FRRS1: variants seen among roughly 807,000 people sequenced by gnomAD.
FRRS1 encodes the protein ferric chelate reductase 1, also known as ferric reductase 1.
Under a neutral mutation model 70.7 loss-of-function variants are expected in FRRS1, and 51 were observed. The observed-to-expected ratio is 0.72, with a 90% confidence interval of 0.58 to 0.91. The LOEUF is 0.91. Among genes scored for constraint, FRRS1 ranks in the 40% least tolerant of loss-of-function variants. FRRS1 has a pLI of 0.00. For synonymous variants in FRRS1, 225 were observed against 238.7 expected (o/e 0.94, Z 0.53); for missense variants, 672 against 726.0 (o/e 0.93, Z 0.86).
At chr1:99,729,888 T>C (rs1557692745) in intron 7 of FRRS1, 140 bp from the exon 8 acceptor site, 2 of 614,222 alleles carry the variant, frequency 3.3e-6, no homozygotes, top group Admixed American at 2.8e-5. Flanking sequence ...AATGATGCTA[T>C]GAATTCTAGA....
chr1:99,756,540 T>C (rs1461040724), intron 1 of FRRS1, among the ~76,000 whole-genome samples: 1 of 152,186 alleles, frequency 6.6e-6, no homozygotes, highest in African/African-American at 2.4e-5. Flanking sequence ...AAGCAAGTGA[T>C]GTTAATAAAG....
In FRRS1 at chr1:99,704,723, A is replaced by G. The variant is rs1261703212; in HGVS notation, c.*4305T>C. ...AAGACACAAGCAGCTGGACAGCGAG[A>G]GGATGTGGATGGGAGCACGCCAGAG... On this transcript the variant is annotated 3_prime_UTR_variant, in exon 17 of 17. Coordinates refer to ENST00000646001, the MANE Select transcript of FRRS1 (RefSeq NM_001361041.2). Among the ~76,000 whole-genome samples the G allele has an allele frequency of 1.3e-5, 2 of 152,002 alleles. No homozygotes were observed. Among genetic ancestry groups the G allele is most frequent in the African/African-American group, 4.8e-5 (2 of 41,398 alleles).
At chr1:99,761,576 C>G (rs533901957) in intron 1 of FRRS1, among the ~76,000 whole-genome samples, 60 of 152,164 alleles carry the variant, frequency 3.9e-4, no homozygotes, top group African/African-American at 1.4e-3. Flanking sequence ...GTGGAATGGC[C>G]CCTTCTCTAA....
intron 1 of FRRS1, among the ~76,000 whole-genome samples, chr1:99,753,151 G>T (rs1656654232): frequency 6.6e-6 from 1 of 151,434 alleles, no homozygotes; most frequent in African/African-American, 2.4e-5. Flanking sequence ...AATTCAAGGT[G>T]GCAGTGAGCT....
intron 4 of FRRS1, among the ~76,000 whole-genome samples, chr1:99,744,906 CT>C (rs1214832734): frequency 7.2e-6 from 1 of 139,074 alleles, no homozygotes; most frequent in Non-Finnish European, 1.5e-5. Context: ...GGAGGCGGAG[CT>C]TGCAGTGAGT....
chr1:99,712,159 G>T lies in FRRS1; in HGVS notation c.1426C>A (p.Gln476Lys). The T allele has an allele frequency of 6.2e-7, 1 of 1,606,050 alleles. No homozygotes were observed. The highest frequency in any genetic ancestry group is 8.5e-7 in the Non-Finnish European group (1 of 1,173,556). ...FRPPLHDPRRQMFNWTHWSMG... is the reference protein window; with the variant it reads ...FRPPLHDPRRKMFNWTHWSMG... ...CTCCAATGAGTCCAGTTAAACATTT[G>T]CCTTCTACCAAAATAAGAACCAGTC... The change falls in exon 14 of 17, where the codon CAA (glutamine) becomes AAA (lysine). Residue 476 changes from glutamine to lysine, a missense_variant. By Grantham distance (53) the Gln-to-Lys change is moderately conservative (BLOSUM62 1). Coordinates refer to ENST00000646001, the MANE Select transcript of FRRS1 (RefSeq NM_001361041.2).
chr1:99,713,461 A>T (rs77776402), intron 12 of FRRS1, among the ~76,000 whole-genome samples: 106 of 152,368 alleles, frequency 7.0e-4, no homozygotes, highest in African/African-American at 2.4e-3. Flanking sequence ...TTCCTTAAAA[A>T]GATAGGTTGA....
rs758250137 is a variant in FRRS1 at position 99,705,610 on chromosome 1, G to A, written c.*3418C>T. On this transcript the variant is annotated 3_prime_UTR_variant, in exon 17 of 17. Transcript: ENST00000646001. Reference sequence around the variant, plus strand: ...GCCTGGACTGGTGCAGGATGTGGAAGGGATGAGGTATTGCTTAACACACAT... The same window carrying A: ...GCCTGGACTGGTGCAGGATGTGGAAAGGATGAGGTATTGCTTAACACACAT... 2.6e-5 allele frequency among the ~76,000 whole-genome samples: 4 copies of A among 152,170 alleles called. No homozygotes were observed. The highest frequency in any genetic ancestry group is 4.4e-5 in the Non-Finnish European group (3 of 68,038).
intron 12 of FRRS1, among the ~76,000 whole-genome samples, chr1:99,713,800 G>T (rs1176218250): frequency 6.6e-6 from 1 of 152,098 alleles, no homozygotes; most frequent in Non-Finnish European, 1.5e-5. Flanking sequence ...GGGAGATCAA[G>T]AAAAAATATG....
intron 15 of FRRS1, among the ~76,000 whole-genome samples, 170 bp from the exon 16 acceptor site, chr1:99,709,429 TG>T (rs1394979445): frequency 6.6e-5 from 10 of 152,204 alleles, no homozygotes; most frequent in African/African-American, 2.2e-4. Context: ...CTCACAAATG[TG>T]GACAATCTGG....
chr1:99,764,916 G>T (rs1054152150), intron 1 of FRRS1, among the ~76,000 whole-genome samples: 1 of 152,122 alleles, frequency 6.6e-6, no homozygotes, highest in African/African-American at 2.4e-5. Flanking sequence ...ATAAGCTTTA[G>T]TTTTTCCTAA....
At chr1:99,717,560 C>A in intron 10 of FRRS1, 35 bp from the exon 11 acceptor site, 1 of 1,390,532 alleles carries the variant, frequency 7.2e-7, no homozygotes, top group Non-Finnish European at 1.0e-6. Context: ...TAGACAATCA[C>A]AAACGAATCA....
At chr1:99,732,723 A>G (rs1655454034) in intron 7 of FRRS1, among the ~76,000 whole-genome samples, 1 of 152,186 alleles carries the variant, frequency 6.6e-6, no homozygotes, top group Non-Finnish European at 1.5e-5. Flanking sequence ...TGAAAATTCT[A>G]GAAGTATTCC....
rs1004757102 is a variant in FRRS1 at position 99,759,315 on chromosome 1, C to T, written c.-106+7292G>A. On this transcript the variant is annotated intron_variant, in intron 1 of 16. Transcript: ENST00000646001. ...CCCCAGCAGCCCAGCTGTAAAATTCCTGTCTTTAAACTGTCTCTCTTTATT... is the reference window on the plus strand; with the variant it reads ...CCCCAGCAGCCCAGCTGTAAAATTCTTGTCTTTAAACTGTCTCTCTTTATT... Among the ~76,000 whole-genome samples the T allele has an allele frequency of 2.4e-4, 36 of 152,220 alleles. 1 individual carries two copies. Among genetic ancestry groups the T allele is most frequent in the Admixed American group, 2.1e-3 (32 of 15,282 alleles).
At chr1:99,756,914 C>T (rs1453217764) in intron 1 of FRRS1, among the ~76,000 whole-genome samples, 1 of 152,142 alleles carries the variant, frequency 6.6e-6, no homozygotes, top group African/African-American at 2.4e-5. Context: ...GTTACACCCA[C>T]TCTACATTAC....
At chr1:99,757,962 A>C (rs77700993) in intron 1 of FRRS1, among the ~76,000 whole-genome samples, 6 of 151,682 alleles carry the variant, frequency 4.0e-5, no homozygotes, top group Non-Finnish European at 5.9e-5. Context: ...AAAAAAAAAA[A>C]ACACAGAATC....
At chr1:99,747,269 T>A in intron 4 of FRRS1, 25 bp downstream of exon 4, 1 of 1,599,346 alleles carries the variant, frequency 6.3e-7, no homozygotes. Flanking sequence ...TCCACATTGT[T>A]CAAGGATCAA....
Position 99,709,047 on chromosome 1 carries a change from G to C in FRRS1, c.1760C>G (p.Ser587Cys), listed in dbSNP as rs779904888. 6.2e-7 allele frequency: 1 copy of C among 1,613,338 alleles called. No homozygotes were observed. Among genetic ancestry groups the C allele is most frequent in the African/African-American group, 1.3e-5 (1 of 74,680 alleles). ...GCTTGCTCATAGATGGTTGATTGCA[G>C]ATAAAAATATGATGAGAAAAGTAAC... ...GNVTFLIIFL[S>C]AINHL The change falls in exon 17 of 17, where the codon TCT becomes TGT. Residue 587 changes from serine (S) to cysteine (C), a missense_variant. Ser to Cys is a moderately radical substitution (Grantham distance 112). Transcript: ENST00000646001.
intron 9 of FRRS1, among the ~76,000 whole-genome samples, chr1:99,728,241 A>T (rs1424321297): frequency 2.0e-5 from 3 of 152,182 alleles, no homozygotes; most frequent in Middle Eastern, 3.4e-3. Flanking sequence ...TCTTCTGGTC[A>T]CATGCATTTT....
Sources: allele counts gnomAD v4.1 joint callset (sites outside exome capture counted in the v4.1 genomes callset), GRCh38; gene constraint gnomAD v4.1.1; transcripts MANE v1.5; gene names NCBI Gene and HGNC (gene_info 2026-07-23, HGNC 2026-07-21).